Variants in NLGN4X observed in about 807,000 individuals in gnomAD.
NLGN4X encodes the protein neuroligin-4, X-linked.
A neutral mutation model predicts 40.3 loss-of-function variants in NLGN4X; 3 were observed. The observed-to-expected ratio is 0.07, with a 90% CI of 0.03 to 0.19. The LOEUF is 0.19. Ranked by LOEUF, NLGN4X falls within the 10% of genes least tolerant of loss-of-function variation. NLGN4X has a pLI of 1.00. For missense variants in NLGN4X, 382 were observed against 708.3 expected (o/e 0.54, Z 5.23); for synonymous variants, 270 against 306.8 (o/e 0.88, Z 1.25).
intron 2 of NLGN4X, among the ~76,000 whole-genome samples, chrX:6,032,235 C>G (rs1391508348): frequency 2.1e-5 from 2 of 94,837 alleles, no homozygotes; most frequent in African/African-American, 3.9e-5. Flanking sequence ...GCCCCCCCCC[C>G]CCCAAAAAAA....
intron 2 of NLGN4X, among the ~76,000 whole-genome samples, chrX:6,147,629 A>AAT (rs2040076107): frequency 9.5e-6 from 1 of 105,703 alleles, no homozygotes; most frequent in Admixed American, 1.0e-4. Context: ...TCCTCAAAGT[A>AAT]GTCACTCAGT....
intron 5 of NLGN4X, among the ~76,000 whole-genome samples, chrX:5,898,069 C>T (rs1363885558): frequency 1.0e-5 from 1 of 97,911 alleles, no homozygotes; most frequent in Admixed American, 1.1e-4. Context: ...TCCCTCGCTA[C>T]TTTCCTTCCT....
intron 1 of NLGN4X, among the ~76,000 whole-genome samples, chrX:6,198,574 C>T (rs148434643): frequency 1.9e-3 from 212 of 111,739 alleles, no homozygotes; most frequent in Non-Finnish European, 3.3e-3. Context: ...TTTCAGGGAG[C>T]GCATCATTAA....
At chrX:5,941,155 CGTT>C (rs1267008840) in intron 3 of NLGN4X, among the ~76,000 whole-genome samples, 34 of 86,448 alleles carry the variant, frequency 3.9e-4, no homozygotes, top group African/African-American at 1.4e-3. Context: ...AAAGATAAAA[CGTT>C]GTTCTGGATC....
chrX:6,056,077 T>C (rs1471893658), intron 2 of NLGN4X, among the ~76,000 whole-genome samples: 1 of 112,100 alleles, frequency 8.9e-6, no homozygotes, highest in Non-Finnish European at 1.9e-5. Context: ...AAATGAAGAG[T>C]CTTAAGGCCA....
Position 6,210,272 on chromosome X carries a change from GTGTA to G in NLGN4X, c.-306+18265_-306+18268del, listed in dbSNP as rs1184608423. Reference sequence around the variant, plus strand: ...TGTGTGTGTGTGTGTGTGTGTGTGTGTGTATGTATGTAATGGTGCAACAAAAGCT... The same window carrying G: ...TGTGTGTGTGTGTGTGTGTGTGTGTGTGTATGTAATGGTGCAACAAAAGCT... On this transcript the variant is annotated intron_variant, in intron 1 of 5. Coordinates refer to ENST00000381095, the MANE Select transcript of NLGN4X (RefSeq NM_181332.3). Among the ~76,000 whole-genome samples, 571 of 74,823 alleles carry G rather than the reference GTGTA, an allele frequency of 7.6e-3. 1 individual carries two copies. Among genetic ancestry groups the G allele is most frequent in the South Asian group, 0.017 (33 of 1,915 alleles). 65.0% of individuals were successfully genotyped at this position (74,823 alleles called of 115,157 possible).
chrX:6,205,513 A>G (rs1016190696), intron 1 of NLGN4X, among the ~76,000 whole-genome samples: 1 of 112,783 alleles, frequency 8.9e-6, no homozygotes, highest in African/African-American at 3.2e-5. Context: ...ATAAGAAAAG[A>G]GAAGGCATGA....
At chrX:5,999,390 A>G (rs11798525) in intron 3 of NLGN4X, among the ~76,000 whole-genome samples, 31,448 of 111,378 alleles carry the variant, frequency 0.28, 3,980 homozygotes, top group African/African-American at 0.49. Flanking sequence ...TGTTTCTCTT[A>G]GAATCTTTAA....
At chrX:6,146,981 G>A (rs938040317) in intron 2 of NLGN4X, among the ~76,000 whole-genome samples, 2 of 110,941 alleles carry the variant, frequency 1.8e-5, no homozygotes, top group Non-Finnish European at 1.9e-5. Context: ...TAGTAAAGAC[G>A]GGGTTTCACC....
At chrX:6,040,756 A>G (rs1471868324) in intron 2 of NLGN4X, among the ~76,000 whole-genome samples, 1 of 112,241 alleles carries the variant, frequency 8.9e-6, no homozygotes, top group Non-Finnish European at 1.9e-5. Context: ...CTATATACCT[A>G]GCCTGTCTTA....
Position 6,087,245 on chromosome X carries a change from ATTTG to A in NLGN4X, c.473-57817_473-57814del, listed in dbSNP as rs202181238. 4.2e-3 allele frequency among the ~76,000 whole-genome samples: 470 copies of A among 111,395 alleles called. 1 individual carries two copies. Among genetic ancestry groups the A allele is most frequent in the African/African-American group, 0.014 (436 of 30,698 alleles). ...TTCTAAGAGGCAAACATTGTTAATAATTTGTTTATTTTTTGACTTTTTTTAATAC... is the reference window on the plus strand; with the variant it reads ...TTCTAAGAGGCAAACATTGTTAATAATTTATTTTTTGACTTTTTTTAATAC... On this transcript the variant is annotated intron_variant, in intron 2 of 5. Coordinates refer to ENST00000381095, the MANE Select transcript of NLGN4X (RefSeq NM_181332.3).
chrX:6,021,366 C>T (rs1285911661), intron 3 of NLGN4X, among the ~76,000 whole-genome samples: 2 of 110,367 alleles, frequency 1.8e-5, no homozygotes, highest in African/African-American at 6.6e-5. Flanking sequence ...TCAATGGCAC[C>T]TTCCTGGTGA....
intron 1 of NLGN4X, among the ~76,000 whole-genome samples, chrX:6,205,349 A>G (rs1053429039): frequency 8.9e-6 from 1 of 112,311 alleles, no homozygotes; most frequent in Non-Finnish European, 1.9e-5. Flanking sequence ...TACCTCACTG[A>G]GCAGCCCAGT....
intron 2 of NLGN4X, among the ~76,000 whole-genome samples, chrX:6,127,968 A>C (rs189838317): frequency 3.5e-4 from 29 of 83,731 alleles, no homozygotes; most frequent in African/African-American, 1.4e-3. Flanking sequence ...AAAATGGTTG[A>C]GTTTGCTTTA....
intron 2 of NLGN4X, among the ~76,000 whole-genome samples, chrX:6,116,387 CTTTCTTTTTTTTTTTTTTTTTTTTTT>C (rs1298944782): frequency 3.7e-4 from 11 of 29,531 alleles, no homozygotes; most frequent in African/African-American, 9.2e-4. Context: ...TTGAACCTTT[CTTTCTTTTTTTTTTTTTTTTTTTTTT>C]TTTTTTTTTT....
Position 5,896,784 on chromosome X carries a change from G to A in NLGN4X, c.1602-3118C>T, listed in dbSNP as rs746676822. Among the ~76,000 whole-genome samples the A allele has an allele frequency of 6.2e-5, 7 of 112,035 alleles. No individual in the cohort carries two copies. In the East Asian group the frequency reaches 1.4e-3, roughly 22 times the overall value. On this transcript the variant is annotated intron_variant, in intron 5 of 5. Transcript: ENST00000381095. The stretch of plus-strand genomic sequence containing the variant: ...ACCCAAAACATTGTTCGCAGTTAAC[G>A]ATTATTACCGGACTAGTTTATTATG...
In NLGN4X at chrX:6,184,041, A is replaced by G. The variant is rs189633446; in HGVS notation, c.-305-32270T>C. Reference sequence around the variant, plus strand: ...GCTTAAACATTGAAAAATACAACCTATGATATCTTATCAAAAGAATTAGTT... The same window carrying G: ...GCTTAAACATTGAAAAATACAACCTGTGATATCTTATCAAAAGAATTAGTT... On this transcript the variant is annotated intron_variant, in intron 1 of 5. Transcript: ENST00000381095. Among the ~76,000 whole-genome samples the G allele has an allele frequency of 4.1e-4, 46 of 112,549 alleles. No individual in the cohort carries two copies. The East Asian group carries it at 0.012, about 30-fold the overall frequency.
chrX:6,104,223 G>A lies in NLGN4X; in HGVS notation c.472+46772C>T, dbSNP rs766091119. Among the ~76,000 whole-genome samples, 3 of 112,159 alleles carry A rather than the reference G, an allele frequency of 2.7e-5. No individual in the cohort carries two copies. In the South Asian group the frequency reaches 1.1e-3, roughly 41 times the overall value. On this transcript the variant is annotated intron_variant, in intron 2 of 5. Transcript: ENST00000381095. ...GTAATAACCAGCTTAAAGCACTGTT[G>A]GAATTGCATGTGACTAAAAATTTCT...
intron 3 of NLGN4X, among the ~76,000 whole-genome samples, chrX:5,919,230 A>AAT (rs35266454): frequency 2.5e-4 from 27 of 109,333 alleles, no homozygotes; most frequent in South Asian, 7.7e-4. Context: ...CCTCCTGGGC[A>AAT]ATATATATAT....
Sources: gnomAD v4.1 joint callset for allele counts (sites outside exome capture counted in the v4.1 genomes callset) on GRCh38, gnomAD v4.1.1 for gene constraint, MANE v1.5 for transcripts, NCBI Gene and HGNC (gene_info 2026-07-23, HGNC 2026-07-21) for gene names.